Variants in CERS6 observed in about 807,000 individuals in gnomAD.
CERS6 encodes the protein LAG1 homolog, ceramide synthase 6.
Under a neutral mutation model 56.8 loss-of-function variants are expected in CERS6, and 26 were observed. The observed-to-expected ratio is 0.46, with a 90% CI of 0.34 to 0.63. The LOEUF is 0.63. Ranked by LOEUF, CERS6 falls within the 30% of genes least tolerant of loss-of-function variation. CERS6 has a pLI of 0.01. For missense variants in CERS6, 415 were observed against 467.5 expected (o/e 0.89, Z 1.04); for synonymous variants, 164 against 173.3 (o/e 0.95, Z 0.42).
At chr2:168,736,283 C>T (rs887495071) in intron 8 of CERS6, among the ~76,000 whole-genome samples, 6 of 152,118 alleles carry the variant, frequency 3.9e-5, no homozygotes, top group African/African-American at 9.7e-5. Context: ...CATTTGAAAA[C>T]GATAGTTGAT....
chr2:168,705,685 T>A (rs982687921), intron 6 of CERS6, among the ~76,000 whole-genome samples: 4 of 152,182 alleles, frequency 2.6e-5, no homozygotes, highest in Non-Finnish European at 4.4e-5. Flanking sequence ...CCTCAAGACC[T>A]TTATAGTAAA....
intron 4 of CERS6, among the ~76,000 whole-genome samples, chr2:168,690,602 C>T (rs561094423): frequency 3.3e-4 from 50 of 152,148 alleles, no homozygotes; most frequent in South Asian, 1.0e-3. Context: ...TGAATAATGT[C>T]GCTTGGTAAA....
At chr2:168,743,777 A>G (rs1683999932) in intron 8 of CERS6, among the ~76,000 whole-genome samples, 1 of 152,094 alleles carries the variant, frequency 6.6e-6, no homozygotes, top group Non-Finnish European at 1.5e-5. Context: ...TAACTGAATT[A>G]TGAATCACAA....
intron 3 of CERS6, among the ~76,000 whole-genome samples, chr2:168,581,239 G>A (rs1683402867): frequency 6.6e-6 from 1 of 152,096 alleles, no homozygotes; most frequent in Admixed American, 6.5e-5. Flanking sequence ...TGCTGGTCTT[G>A]AACTGCTGAC....
At chr2:168,694,876 G>T in intron 5 of CERS6, 83 bp from the exon 6 acceptor site, 2 of 1,030,698 alleles carry the variant, frequency 1.9e-6, no homozygotes, top group South Asian at 2.7e-5. Flanking sequence ...TGTTACTTTT[G>T]AGCAGTGAGC....
intron 4 of CERS6, among the ~76,000 whole-genome samples, chr2:168,667,279 C>A (rs1158244524): frequency 6.6e-6 from 1 of 152,164 alleles, no homozygotes; most frequent in East Asian, 1.9e-4. Flanking sequence ...CTTGCACAGG[C>A]GAGGGTGAAC....
chr2:168,608,723 T>C (rs1053291624), intron 3 of CERS6, among the ~76,000 whole-genome samples: 3 of 152,358 alleles, frequency 2.0e-5, no homozygotes, highest in South Asian at 4.1e-4. Flanking sequence ...GTGTTTATTT[T>C]TGTACTATTG....
chr2:168,562,780 G>T (rs73022578), intron 3 of CERS6, among the ~76,000 whole-genome samples: 2,733 of 152,248 alleles, frequency 0.018, 92 homozygotes, highest in African/African-American at 0.061. Flanking sequence ...TCTCCAACCT[G>T]GTGGATACAA....
chr2:168,641,384 G>A (rs1389329763), intron 4 of CERS6, among the ~76,000 whole-genome samples: 5 of 152,112 alleles, frequency 3.3e-5, no homozygotes, highest in Non-Finnish European at 7.4e-5. Context: ...TCCTCTGGAC[G>A]TTAGCAACTT....
At chr2:168,490,350 A>G (rs919019137) in intron 1 of CERS6, among the ~76,000 whole-genome samples, 1 of 151,832 alleles carries the variant, frequency 6.6e-6, no homozygotes, top group African/African-American at 2.4e-5. Flanking sequence ...TTCCTGGAGT[A>G]TGAGTGGCTC....
chr2:168,675,981 G>A (rs879426648), intron 4 of CERS6, among the ~76,000 whole-genome samples: 12 of 151,998 alleles, frequency 7.9e-5, no homozygotes, highest in Admixed American at 5.2e-4. Flanking sequence ...CACTGCACTC[G>A]GCCAAAATAA....
At chr2:168,599,406 T>G (rs1157003186) in intron 3 of CERS6, among the ~76,000 whole-genome samples, 1 of 152,240 alleles carries the variant, frequency 6.6e-6, no homozygotes, top group East Asian at 1.9e-4. Flanking sequence ...ATCCTTTCTG[T>G]ATTTTTCTAT....
chr2:168,491,190 A>G (rs1387583860), intron 1 of CERS6, among the ~76,000 whole-genome samples: 1 of 152,214 alleles, frequency 6.6e-6, no homozygotes, highest in Non-Finnish European at 1.5e-5. Flanking sequence ...ACTGTTTGAA[A>G]GAAAACAGGG....
intron 1 of CERS6, among the ~76,000 whole-genome samples, chr2:168,518,674 T>C (rs1694925313): frequency 6.6e-6 from 1 of 152,176 alleles, no homozygotes; most frequent in African/African-American, 2.4e-5. Context: ...CCTCTCTGCC[T>C]AGTGTTCCTA....
At chr2:168,542,906 A>G (rs1019577873) in intron 1 of CERS6, among the ~76,000 whole-genome samples, 3 of 152,198 alleles carry the variant, frequency 2.0e-5, no homozygotes, top group Admixed American at 2.0e-4. Flanking sequence ...CATGTTGGCC[A>G]GGCTGGTCTT....
intron 1 of CERS6, among the ~76,000 whole-genome samples, chr2:168,506,120 G>A (rs1264366744): frequency 1.3e-5 from 2 of 152,154 alleles, no homozygotes; most frequent in African/African-American, 2.4e-5. Context: ...GCCTTCTAGA[G>A]GTCCAGTCAG....
chr2:168,738,996 C>G (rs184622055), intron 8 of CERS6, among the ~76,000 whole-genome samples: 12 of 151,150 alleles, frequency 7.9e-5, no homozygotes, highest in Admixed American at 2.6e-4. Flanking sequence ...AGCAATTCTT[C>G]TGCCTCAGCC....
At chr2:168,592,883 A>G (rs1235820887) in intron 3 of CERS6, among the ~76,000 whole-genome samples, 5 of 152,308 alleles carry the variant, frequency 3.3e-5, no homozygotes, top group East Asian at 3.9e-4. Flanking sequence ...AAATAACACA[A>G]ATATATTCTC....
chr2:168,601,136 A>G (rs1452094665), intron 3 of CERS6, among the ~76,000 whole-genome samples: 1 of 152,230 alleles, frequency 6.6e-6, no homozygotes, highest in Non-Finnish European at 1.5e-5. Flanking sequence ...AATTGGATAG[A>G]TGTGCACCAT....
Sources: allele counts gnomAD v4.1 joint callset (sites outside exome capture counted in the v4.1 genomes callset), GRCh38; gene constraint gnomAD v4.1.1; transcripts MANE v1.5; gene names NCBI Gene and HGNC (gene_info 2026-07-23, HGNC 2026-07-21).